The following CCDC57 variants were observed in gnomAD, a reference collection of about 807,000 sequenced individuals.
CCDC57 encodes coiled-coil domain-containing protein 57.
Under a neutral mutation model 118.9 loss-of-function variants are expected in CCDC57, and 118 were observed. That is an observed-to-expected ratio of 0.99 (90% CI 0.86 to 1.16). CCDC57 has a LOEUF of 1.16. Ranked by LOEUF, CCDC57 falls within the 50% of genes most tolerant of loss-of-function variation. The pLI, the probability that CCDC57 is intolerant of heterozygous loss-of-function variation, is 0.00. For missense variants in CCDC57, 1,300 were observed against 1,320.7 expected (o/e 0.98, Z 0.24); for synonymous variants, 527 against 532.9 (o/e 0.99, Z 0.15).
chr17:82,195,212 G>T, intron 5 of CCDC57, 51 bp downstream of exon 4: 1 of 1,378,852 alleles, frequency 7.3e-7, no homozygotes, highest in South Asian at 1.2e-5. Flanking sequence ...CACCACACCT[G>T]ACCAAGGAAA....
chr17:82,206,981 A>G (rs1327884496), intron 2 of CCDC57, among the ~76,000 whole-genome samples: 2 of 152,180 alleles, frequency 1.3e-5, no homozygotes, highest in African/African-American at 2.4e-5. Flanking sequence ...CTTTCCCGAA[A>G]CAAACCCCCT....
intron 8 of CCDC57, among the ~76,000 whole-genome samples, chr17:82,185,941 A>G (rs1339513406): frequency 6.6e-6 from 1 of 152,146 alleles, no homozygotes; most frequent in Non-Finnish European, 1.5e-5. Flanking sequence ...TTTTTTAGAG[A>G]CAGAGTCTTG....
exon 16 of CCDC57, chr17:82,151,653 C>G: frequency 1.9e-6 from 3 of 1,550,402 alleles, no homozygotes; most frequent in Non-Finnish European, 2.6e-6. Context: ...CTGGCTGCCT[C>G]CTTCAGCTTT....
chr17:82,102,249 C>T (rs1053229431), intron 19 of CCDC57, among the ~76,000 whole-genome samples: 2 of 152,258 alleles, frequency 1.3e-5, no homozygotes, highest in East Asian at 1.9e-4. Context: ...ACTCAAAGCT[C>T]CTCCCCCCAG....
At chr17:82,211,550 A>ATT (rs11370590) in intron 1 of CCDC57, among the ~76,000 whole-genome samples, 158 of 145,102 alleles carry the variant, frequency 1.1e-3, no homozygotes, top group African/African-American at 1.4e-3. Flanking sequence ...GTTACAGATA[A>ATT]TTTTTTTTTT....
chr17:82,170,922 G>A (rs951120067), intron 13 of CCDC57, among the ~76,000 whole-genome samples: 7 of 152,262 alleles, frequency 4.6e-5, no homozygotes, highest in Non-Finnish European at 1.0e-4. Flanking sequence ...CGGCTACCTC[G>A]CACGATGTGG....
intron 17 of CCDC57, 68 bp downstream of exon 16, chr17:82,134,005 C>A: frequency 7.8e-7 from 1 of 1,287,014 alleles, no homozygotes; most frequent in Non-Finnish European, 9.9e-7. Context: ...TCTGAAGTTT[C>A]TGTAATGAAA....
rs71166188 is a variant in CCDC57, at chr17:82,132,759, C to CTTTTTTTT, written c.2577+1306_2577+1313dup. ...TTATCTTTCTGTAGAGACAACCTTG[C>CTTTTTTTT]TTTTTTTTTTTTTTTTTTGAGACGG... On this transcript the variant is annotated intron_variant, in intron 17 of 19. Transcript: ENST00000665763. 1.8e-4 allele frequency among the ~76,000 whole-genome samples: 22 copies of CTTTTTTTT among 123,920 alleles called. 9 individuals are homozygous for CTTTTTTTT. Among genetic ancestry groups the CTTTTTTTT allele is most frequent in the Non-Finnish European group, 1.8e-4 (11 of 59,730 alleles). 81.3% of individuals were successfully genotyped at this position (123,920 alleles called of 152,430 possible).
intron 3 of CCDC57, among the ~76,000 whole-genome samples, chr17:82,199,399 A>G (rs2048710862): frequency 7.0e-6 from 1 of 143,554 alleles, no homozygotes; most frequent in Admixed American, 7.7e-5. Context: ...AACCCCTTGA[A>G]CCCCGGAGGC....
intron 16 of CCDC57, among the ~76,000 whole-genome samples, chr17:82,146,761 GCACA>G (rs568003075): frequency 4.8e-4 from 73 of 152,240 alleles, no homozygotes; most frequent in African/African-American, 1.7e-3. Flanking sequence ...ATGCATGTGT[GCACA>G]CAGTCTCACA....
intron 19 of CCDC57, among the ~76,000 whole-genome samples, chr17:82,111,191 G>A (rs112149538): frequency 0.025 from 3,713 of 150,984 alleles, 73 homozygotes; most frequent in Non-Finnish European, 0.037. Context: ...TGCCTCCTGG[G>A]TTCACGCCAT....
chr17:82,121,676 TG>T (rs1365758725), intron 19 of CCDC57, among the ~76,000 whole-genome samples: 2 of 152,218 alleles, frequency 1.3e-5, no homozygotes, highest in African/African-American at 4.8e-5. Flanking sequence ...TGAGGCCCGT[TG>T]ACCTGGGACT....
chr17:82,106,820 G>C (rs2034880438), intron 19 of CCDC57, among the ~76,000 whole-genome samples: 1 of 152,228 alleles, frequency 6.6e-6, no homozygotes, highest in Non-Finnish European at 1.5e-5. Context: ...CCAGTGTGCA[G>C]GGGAGATTCT....
intron 17 of CCDC57, among the ~76,000 whole-genome samples, chr17:82,129,516 C>T (rs886785636): frequency 6.6e-6 from 1 of 152,136 alleles, no homozygotes; most frequent in Non-Finnish European, 1.5e-5. Context: ...TGTACTTGGC[C>T]CATGTTTACC....
At chr17:82,193,434 C>G (rs2047913158) in intron 7 of CCDC57, among the ~76,000 whole-genome samples, 1 of 151,792 alleles carries the variant, frequency 6.6e-6, no homozygotes, top group African/African-American at 2.4e-5. Context: ...ATAGCACCAG[C>G]TATTTGGGAG....
intron 9 of CCDC57, among the ~76,000 whole-genome samples, chr17:82,180,153 G>A (rs2146423804): frequency 6.6e-6 from 1 of 152,364 alleles, no homozygotes; most frequent in East Asian, 1.9e-4. Context: ...CCCTGGAGGG[G>A]CTGCGTGGCC....
intron 13 of CCDC57, 31 bp from the exon 13 acceptor site, chr17:82,163,388 T>C: frequency 1.2e-6 from 2 of 1,610,154 alleles, no homozygotes; most frequent in Non-Finnish European, 1.7e-6. Context: ...TGTCAGCTCA[T>C]ACCTGAGAAC....
intron 19 of CCDC57, 116 bp downstream of exon 18, chr17:82,127,576 A>G (rs1028977652): frequency 1.4e-5 from 20 of 1,458,328 alleles, no homozygotes; most frequent in Non-Finnish European, 1.8e-5. Flanking sequence ...ACCAAAGTGC[A>G]GGGATTTCAG....
chr17:82,126,644 G>C, intron 19 of CCDC57: 1 of 985,414 alleles, frequency 1.0e-6, no homozygotes, highest in Non-Finnish European at 1.2e-6. Flanking sequence ...ACTGCTGCTG[G>C]GAGCAGCCTC....
Sources: gnomAD v4.1 joint callset for allele counts (sites outside exome capture counted in the v4.1 genomes callset) on GRCh38, gnomAD v4.1.1 for gene constraint, MANE v1.5 for transcripts, NCBI Gene and HGNC (gene_info 2026-07-23, HGNC 2026-07-21) for gene names.